Variants in ZNF514 observed in about 807,000 individuals in gnomAD.
ZNF514 encodes the protein zinc finger protein 514.
ZNF514 carries 12 observed loss-of-function variants against 9.7 expected under a neutral mutation model. That is an observed-to-expected ratio of 1.24 (90% confidence interval 0.79 to 2.01). ZNF514 has a LOEUF of 2.01. Ranked by LOEUF, ZNF514 falls within the 30% of genes most tolerant of loss-of-function variation. The pLI is 0.00. For synonymous variants in ZNF514, 158 were observed against 163.7 expected (o/e 0.97, Z 0.27); for missense variants, 467 against 465.5 (o/e 1.00, Z -0.03).
chr2:95,153,255 A>T lies in ZNF514; in HGVS notation c.-2T>A. On this transcript the variant is annotated 5_prime_UTR_variant, in exon 3 of 5. Coordinates refer to ENST00000295208, the MANE Select transcript of ZNF514 (RefSeq NM_032788.3). ...CACAGCCACATCTTCAAATGTCATCAGGTCCTGAAACACAGAAGACACTCC... is the reference window on the plus strand; with the variant it reads ...CACAGCCACATCTTCAAATGTCATCTGGTCCTGAAACACAGAAGACACTCC... 2 of 1,613,774 alleles carry T rather than the reference A, an allele frequency of 1.2e-6. No homozygotes were observed. Among genetic ancestry groups the T allele is most frequent in the South Asian group, 2.2e-5 (2 of 91,030 alleles).
At chr2:95,135,374 T>C in the ZNF514 span, among the ~76,000 whole-genome samples, 1 of 152,060 alleles carries the variant, frequency 6.6e-6, no homozygotes, top group South Asian at 2.1e-4. Flanking sequence ...ATGGAATTGT[T>C]TTCTTTCCTT....
rs1673352005 is a variant in ZNF514 at position 95,146,109 on chromosome 2, C to T, written c.*3173G>A. Among the ~76,000 whole-genome samples the T allele has an allele frequency of 6.6e-6, 1 of 152,180 alleles. No homozygotes were observed. The highest frequency in any genetic ancestry group is 2.1e-4 in the South Asian group (1 of 4,834). On this transcript the variant is annotated 3_prime_UTR_variant, in exon 5 of 5. Transcript: ENST00000295208. ...TCTGTTTTTGTTAGTCTTAAGGTCT[C>T]TGTTTTAAGGCAAATGCTGGTCAAC...
In ZNF514 at chr2:95,157,433, G is replaced by T; in HGVS notation, c.-89C>A. 1 of 1,289,496 alleles carries T rather than the reference G, an allele frequency of 7.8e-7. No individual in the cohort carries two copies. The highest frequency in any genetic ancestry group is 1.2e-5 in the South Asian group (1 of 81,026). 79.9% of individuals were successfully genotyped at this position (1,289,496 alleles called of 1,614,324 possible). A position where few individuals can be genotyped will look rare whatever the true frequency, so the allele number is the denominator to read the frequency against. The stretch of plus-strand genomic sequence containing the variant: ...TGGAGGAAGAGCAGGATTCTGAGAA[G>T]GGGAAGCTGGGAAGGTAGAAGGAGA... On this transcript the variant is annotated 5_prime_UTR_variant, in exon 2 of 5. Transcript: ENST00000295208.
the ZNF514 span, among the ~76,000 whole-genome samples, chr2:95,134,748 T>G: frequency 6.6e-6 from 1 of 152,220 alleles, no homozygotes; most frequent in Admixed American, 6.5e-5. Context: ...CATTTTAGCT[T>G]TGATGCATTT....
chr2:95,127,542 TTG>T, the ZNF514 span, among the ~76,000 whole-genome samples: 1 of 152,204 alleles, frequency 6.6e-6, no homozygotes, highest in Non-Finnish European at 1.5e-5. Context: ...ACTATCTTCA[TTG>T]TGTTTAGTGT....
chr2:95,149,671 T>G lies in ZNF514; in HGVS notation c.814A>C (p.Ser272Arg), dbSNP rs943705436. The G allele has an allele frequency of 1.2e-6, 2 of 1,614,130 alleles. No individual in the cohort carries two copies. The highest frequency in any genetic ancestry group is 1.7e-6 in the Non-Finnish European group (2 of 1,180,048). The change falls in exon 5 of 5, where the codon AGT becomes CGT. Residue 272 changes from serine (S) to arginine (R), a missense_variant. Coordinates refer to ENST00000295208, the MANE Select transcript of ZNF514 (RefSeq NM_032788.3). ...CSECGRAFSQ[S>R]SSLVLHYRFH... ...CTATAGTGCAGAACAAGAGACGAACTCTGGCTGAAGGCTCTCCCACATTCA... is the reference window on the plus strand; with the variant it reads ...CTATAGTGCAGAACAAGAGACGAACGCTGGCTGAAGGCTCTCCCACATTCA...
chr2:95,150,269 TG>T lies in ZNF514; in HGVS notation c.218-3del, dbSNP rs1157133905. ...TGGATTTAGACCTTCTCTTCCAGTC[TG>T]TTAAAAAAAAAAAAAAAAAAAGAAG... is the stretch of plus-strand genomic sequence containing the variant. On this transcript the variant is annotated splice_region_variant and splice_polypyrimidine_tract_variant and intron_variant, in intron 4 of 4. Coordinates refer to ENST00000295208, the MANE Select transcript of ZNF514 (RefSeq NM_032788.3). The T allele has an allele frequency of 1.4e-5, 20 of 1,400,864 alleles. No homozygotes were observed. The highest frequency in any genetic ancestry group is 2.1e-4 in the Middle Eastern group (1 of 4,796). The allele number at this position is 1,400,864 out of a possible 1,614,324, so 86.8% of individuals were successfully genotyped here. A position where few individuals can be genotyped will look rare whatever the true frequency, so the allele number is the denominator to read the frequency against.
the ZNF514 span, among the ~76,000 whole-genome samples, chr2:95,133,196 A>G: frequency 6.6e-6 from 1 of 152,114 alleles, no homozygotes; most frequent in African/African-American, 2.4e-5. Context: ...TGGCCAGGCA[A>G]GATGGCTCAT....
At chr2:95,130,100 G>A in the ZNF514 span, among the ~76,000 whole-genome samples, 1 of 152,090 alleles carries the variant, frequency 6.6e-6, no homozygotes, top group African/African-American at 2.4e-5. Flanking sequence ...AAAGGGCAGA[G>A]TACAAAAGAG....
At chr2:95,142,998 A>G (rs1176644257), downstream of ZNF514, among the ~76,000 whole-genome samples, 2 of 152,232 alleles carry the variant, frequency 1.3e-5, no homozygotes, top group African/African-American at 4.8e-5. Flanking sequence ...GATTAATCAA[A>G]CAGACATGGT....
downstream of ZNF514, among the ~76,000 whole-genome samples, chr2:95,140,974 CAAA>C (rs1197528069): frequency 8.8e-6 from 1 of 113,990 alleles, no homozygotes; most frequent in African/African-American, 3.3e-5. Context: ...GACTTCATCT[CAAA>C]AAAAAAAAAA....
chr2:95,127,323 C>T, the ZNF514 span, among the ~76,000 whole-genome samples: 18 of 152,238 alleles, frequency 1.2e-4, no homozygotes, highest in Admixed American at 5.9e-4. Flanking sequence ...CTTCTGTTCA[C>T]TAGGCCTAGA....
chr2:95,153,396 C>A, intron 2 of ZNF514, 137 bp from the exon 3 acceptor site: 1 of 795,052 alleles, frequency 1.3e-6, no homozygotes, highest in Non-Finnish European at 1.8e-6. Flanking sequence ...AATACATTTC[C>A]TCATTTGTCA....
the ZNF514 span, among the ~76,000 whole-genome samples, chr2:95,129,618 G>A: frequency 1.3e-5 from 2 of 152,134 alleles, no homozygotes; most frequent in African/African-American, 2.4e-5. Flanking sequence ...ACCAGGATGA[G>A]GAGATAGGGG....
Position 95,149,857 on chromosome 2 carries a change from C to G in ZNF514, c.628G>C (p.Gly210Arg). The change falls in exon 5 of 5, where the codon GGG becomes CGG. Residue 210 changes from glycine (G) to arginine (R), a missense_variant. Transcript: ENST00000295208. Reference sequence around the variant, plus strand: ...TCTGACTGGAAGTGAAAGGACTTCCCACACTCATTACATTTACAAGATTTC... The same window carrying G: ...TCTGACTGGAAGTGAAAGGACTTCCGACACTCATTACATTTACAAGATTTC... Reference protein sequence around the residue: ...EKKSCKCNECGKSFHFQSELR... With the variant: ...EKKSCKCNECRKSFHFQSELR... The G allele has an allele frequency of 6.2e-7, 1 of 1,614,224 alleles. No individual in the cohort carries two copies. Among genetic ancestry groups the G allele is most frequent in the Non-Finnish European group, 8.5e-7 (1 of 1,180,034 alleles).
the ZNF514 span, among the ~76,000 whole-genome samples, chr2:95,138,047 G>A: frequency 3.3e-5 from 5 of 152,176 alleles, no homozygotes; most frequent in African/African-American, 1.2e-4. Flanking sequence ...GTAGCTTCCT[G>A]AGCCCATACC....
chr2:95,129,999 T>C, the ZNF514 span, among the ~76,000 whole-genome samples: 2 of 152,074 alleles, frequency 1.3e-5, no homozygotes, highest in East Asian at 1.9e-4. Flanking sequence ...ATCAAGAATA[T>C]GTGGTTTTGG....
the ZNF514 span, among the ~76,000 whole-genome samples, chr2:95,132,098 G>T: frequency 7.2e-6 from 1 of 139,328 alleles, no homozygotes. Flanking sequence ...AGGCAAGATT[G>T]TGTGCCACTG....
chr2:95,133,549 A>G, the ZNF514 span, among the ~76,000 whole-genome samples: 2 of 152,172 alleles, frequency 1.3e-5, no homozygotes, highest in East Asian at 1.9e-4. Flanking sequence ...CTCCATATCC[A>G]TGGGTTCCTT....
Sources: gnomAD v4.1 joint callset for allele counts (sites outside exome capture counted in the v4.1 genomes callset) on GRCh38, gnomAD v4.1.1 for gene constraint, MANE v1.5 for transcripts, NCBI Gene and HGNC (gene_info 2026-07-23, HGNC 2026-07-21) for gene names.